The following RALGAPA1 variants were observed in gnomAD, a reference collection of about 807,000 sequenced individuals.
The protein encoded by RALGAPA1 is Ral GTPase activating protein catalytic subunit alpha 1.
In RALGAPA1, 52 loss-of-function variants were observed where a neutral mutation model predicts 269.6. The ratio of observed to expected loss-of-function variants is 0.19; its 90% CI spans 0.15 to 0.24. RALGAPA1 has a LOEUF of 0.24. Ranked by LOEUF, RALGAPA1 falls within the 10% of genes least tolerant of loss-of-function variation. The pLI is 1.00. For missense variants in RALGAPA1, 1,917 were observed against 3,013.9 expected, an observed-to-expected ratio of 0.64 and a Z score of 8.52; for synonymous variants, 817 against 1,008.3, an observed-to-expected ratio of 0.81 and a Z score of 3.60.
chr14:35,571,351 A>G (rs2057173357), intron 38 of RALGAPA1, among the ~76,000 whole-genome samples: 1 of 151,894 alleles, frequency 6.6e-6, no homozygotes. Context: ...TTGTGGTCAC[A>G]TGTTCTCTCT....
At chr14:35,690,043 A>C in intron 17 of RALGAPA1, 40 bp from the exon 18 acceptor site, 1 of 1,328,276 alleles carries the variant, frequency 7.5e-7, no homozygotes, top group South Asian at 1.4e-5. Flanking sequence ...AGAACTACAC[A>C]AATATAAAAA....
chr14:35,802,089 C>T (rs1595610406), intron 1 of RALGAPA1, among the ~76,000 whole-genome samples: 1 of 152,320 alleles, frequency 6.6e-6, no homozygotes, highest in African/African-American at 2.4e-5. Flanking sequence ...GCAGGTGGCT[C>T]ACGAGGTCAG....
At chr14:35,667,371 C>A (rs2064029197) in intron 26 of RALGAPA1, among the ~76,000 whole-genome samples, 1 of 152,164 alleles carries the variant, frequency 6.6e-6, no homozygotes, top group South Asian at 2.1e-4. Context: ...GAACTCCAGT[C>A]TAGCGACAGA....
chr14:35,545,835 T>C (rs932818457), intron 41 of RALGAPA1, among the ~76,000 whole-genome samples: 7 of 152,208 alleles, frequency 4.6e-5, no homozygotes, highest in African/African-American at 1.7e-4. Flanking sequence ...CATGTACATA[T>C]GAACAAACAG....
rs1383012077 is a variant in RALGAPA1 at position 35,669,190 on chromosome 14, C to T, written c.5202+2199G>A. 4.6e-5 allele frequency among the ~76,000 whole-genome samples: 7 copies of T among 152,304 alleles called. No homozygotes were observed. In the East Asian group the frequency reaches 7.7e-4, roughly 17 times the overall value. ...ACAAACTCTTACATTGCACATATAA[C>T]GTGTCACATAGTGTTCCAACCATGT... On this transcript the variant is annotated intron_variant, in intron 26 of 41. Coordinates refer to ENST00000680220, the MANE Select transcript of RALGAPA1 (RefSeq NM_001346249.2).
intron 16 of RALGAPA1, 61 bp downstream of exon 16, chr14:35,721,627 G>C (rs964095929): frequency 3.3e-5 from 45 of 1,376,912 alleles, no homozygotes; most frequent in Non-Finnish European, 4.2e-5. Flanking sequence ...GATATAAATT[G>C]TTACCAAGGA....
intron 29 of RALGAPA1, 101 bp from the exon 30 acceptor site, chr14:35,654,578 T>G: frequency 7.6e-7 from 1 of 1,314,234 alleles, no homozygotes; most frequent in African/African-American, 1.5e-5. Flanking sequence ...TGTAGGATTA[T>G]AAATCCTACA....
At chr14:35,803,665 T>C (rs1042688542) in intron 1 of RALGAPA1, among the ~76,000 whole-genome samples, 3 of 150,842 alleles carry the variant, frequency 2.0e-5, no homozygotes, top group South Asian at 2.1e-4. Context: ...ACAGTCTCAC[T>C]CTGTTACCCA....
At chr14:35,779,888 C>T (rs924192575) in intron 1 of RALGAPA1, among the ~76,000 whole-genome samples, 1 of 152,126 alleles carries the variant, frequency 6.6e-6, no homozygotes, top group South Asian at 2.1e-4. Context: ...CTTTGGGAGG[C>T]TGAGGTGGGC....
intron 15 of RALGAPA1, among the ~76,000 whole-genome samples, 165 bp downstream of exon 15, chr14:35,722,862 G>A (rs1381324180): frequency 6.6e-6 from 1 of 151,988 alleles, no homozygotes; most frequent in Non-Finnish European, 1.5e-5. Flanking sequence ...AATTGCTTAC[G>A]ATAAAAAGGA....
intron 16 of RALGAPA1, among the ~76,000 whole-genome samples, chr14:35,704,165 A>G (rs2067597640): frequency 6.6e-6 from 1 of 152,204 alleles, no homozygotes; most frequent in African/African-American, 2.4e-5. Context: ...ATACACATAA[A>G]TGAAAAGCAA....
At chr14:35,595,414 T>G (rs2139006860) in intron 37 of RALGAPA1, among the ~76,000 whole-genome samples, 1 of 152,126 alleles carries the variant, frequency 6.6e-6, no homozygotes. Flanking sequence ...CACAATAAAC[T>G]TTATTTTAAA....
At chr14:35,562,355 G>A (rs2139316377) in intron 39 of RALGAPA1, among the ~76,000 whole-genome samples, 1 of 152,126 alleles carries the variant, frequency 6.6e-6, no homozygotes, top group East Asian at 1.9e-4. Context: ...TCCTTGGAGG[G>A]GACACCAAGA....
chr14:35,718,994 C>G (rs1362216916), intron 16 of RALGAPA1, among the ~76,000 whole-genome samples: 2 of 151,956 alleles, frequency 1.3e-5, no homozygotes, highest in Non-Finnish European at 2.9e-5. Flanking sequence ...CATGCGCCAC[C>G]ACACCCAGCT....
Position 35,597,896 on chromosome 14 carries a change from T to C in RALGAPA1, c.7054-2107A>G, listed in dbSNP as rs533508957. Among the ~76,000 whole-genome samples, 18 of 152,350 alleles carry C rather than the reference T, an allele frequency of 1.2e-4. No individual in the cohort carries two copies. The South Asian group carries it at 3.7e-3, about 32-fold the overall frequency. ...TGGGGTTCAAGGACATACTCTATTA[T>C]TTCAATGCTTTTAAATTTGTTGAGG... On this transcript the variant is annotated intron_variant, in intron 36 of 41. Transcript: ENST00000680220.
At chr14:35,641,456 T>C (rs1227868302) in intron 31 of RALGAPA1, among the ~76,000 whole-genome samples, 1 of 152,190 alleles carries the variant, frequency 6.6e-6, no homozygotes, top group Non-Finnish European at 1.5e-5. Flanking sequence ...GTGCCAACAG[T>C]GAACAATCTG....
At chr14:35,714,258 T>C (rs756977470) in intron 16 of RALGAPA1, among the ~76,000 whole-genome samples, 2 of 152,166 alleles carry the variant, frequency 1.3e-5, no homozygotes, top group Non-Finnish European at 2.9e-5. Flanking sequence ...TAGCAATATA[T>C]AAGGACTCCA....
At chr14:35,648,465 C>CA (rs11463848) in intron 31 of RALGAPA1, among the ~76,000 whole-genome samples, 16,830 of 122,186 alleles carry the variant, frequency 0.14, 1,053 homozygotes, top group Non-Finnish European at 0.15. Context: ...AACTCCATCT[C>CA]AAAAAAAAAA....
intron 1 of RALGAPA1, among the ~76,000 whole-genome samples, chr14:35,800,724 G>T (rs1156363220): frequency 6.6e-6 from 1 of 152,148 alleles, no homozygotes; most frequent in Non-Finnish European, 1.5e-5. Context: ...AACAAAGACT[G>T]CCAGGCATGG....
Sources: allele counts gnomAD v4.1 joint callset (sites outside exome capture counted in the v4.1 genomes callset), GRCh38; gene constraint gnomAD v4.1.1; transcripts MANE v1.5; gene names NCBI Gene and HGNC (gene_info 2026-07-23, HGNC 2026-07-21).